The following GRM8 variants were observed in gnomAD, a reference collection of about 807,000 sequenced individuals.
GRM8 encodes the protein metabotropic glutamate receptor 8.
GRM8 carries 47 observed loss-of-function variants against 87.2 expected under a neutral mutation model. The ratio of observed to expected loss-of-function variants is 0.54; its 90% CI spans 0.43 to 0.69. The LOEUF is 0.69. Among genes scored for constraint, GRM8 ranks in the 30% least tolerant of loss-of-function variants. GRM8 has a pLI of 0.00. For synonymous variants in GRM8, 396 were observed against 404.5 expected (o/e 0.98, Z 0.25); for missense variants, 1,019 against 1,139.2 (o/e 0.89, Z 1.52).
At chr7:126,552,268 GT>G (rs1385051267) in intron 8 of GRM8, among the ~76,000 whole-genome samples, 3 of 151,882 alleles carry the variant, frequency 2.0e-5, no homozygotes, top group African/African-American at 7.3e-5. Context: ...TCCTCTATTA[GT>G]TTTAACTATT....
chr7:126,486,107 T>C (rs1217296366), intron 9 of GRM8, among the ~76,000 whole-genome samples: 1 of 152,002 alleles, frequency 6.6e-6, no homozygotes, highest in Non-Finnish European at 1.5e-5. Flanking sequence ...CACTGACCAG[T>C]TGAACCCCCC....
chr7:126,844,668 G>A (rs1796558752), intron 6 of GRM8, among the ~76,000 whole-genome samples: 1 of 152,116 alleles, frequency 6.6e-6, no homozygotes, highest in Non-Finnish European at 1.5e-5. Flanking sequence ...TCCAACATCA[G>A]GATGCCACCA....
intron 8 of GRM8, among the ~76,000 whole-genome samples, chr7:126,607,458 CA>C (rs11335465): frequency 0.31 from 47,339 of 150,758 alleles, 8,226 homozygotes; most frequent in South Asian, 0.44. Context: ...AAATACAAAA[CA>C]AAAAAAAATT....
chr7:126,903,773 G>GTGTGTGTA (rs1554526128), intron 5 of GRM8, among the ~76,000 whole-genome samples, 199 bp downstream of exon 5: 1 of 118,370 alleles, frequency 8.4e-6, no homozygotes, highest in Non-Finnish European at 1.7e-5. Flanking sequence ...ATATGTGTGT[G>GTGTGTGTA]TGTATATATA....
At chr7:127,183,838 GA>G (rs1490660248) in intron 2 of GRM8, among the ~76,000 whole-genome samples, 1 of 151,582 alleles carries the variant, frequency 6.6e-6, no homozygotes, top group Non-Finnish European at 1.5e-5. Flanking sequence ...AGAAATGAAA[GA>G]AAGATCATCA....
At chr7:127,251,552 T>C (rs1427827508) in intron 1 of GRM8, among the ~76,000 whole-genome samples, 3 of 152,166 alleles carry the variant, frequency 2.0e-5, no homozygotes, top group Non-Finnish European at 2.9e-5. Flanking sequence ...TCTCAGTTCC[T>C]TGGGCTGTTG....
In GRM8 at chr7:126,597,034, C is replaced by T. The variant is rs78180166; in HGVS notation, c.1494+12328G>A. ...TTGTATATTTCATCATTTAAATATA[C>T]AACAAAGCGAAATAATCTAAAAAGA... On this transcript the variant is annotated intron_variant, in intron 8 of 10. Transcript: ENST00000339582. 3.7e-3 allele frequency among the ~76,000 whole-genome samples: 565 copies of T among 152,112 alleles called. 3 individuals carry two copies. The highest frequency in any genetic ancestry group is 0.011 in the African/African-American group (460 of 41,520).
At chr7:126,786,805 T>C (rs930189872) in intron 6 of GRM8, among the ~76,000 whole-genome samples, 2 of 152,210 alleles carry the variant, frequency 1.3e-5, no homozygotes, top group Non-Finnish European at 2.9e-5. Flanking sequence ...TTACCATGTA[T>C]GAACTTTTTG....
chr7:127,216,912 C>T (rs1796593425), intron 2 of GRM8, among the ~76,000 whole-genome samples: 2 of 152,168 alleles, frequency 1.3e-5, no homozygotes, highest in Admixed American at 1.3e-4. Flanking sequence ...AGGGCCCTTC[C>T]CTAAAGACCC....
intron 6 of GRM8, among the ~76,000 whole-genome samples, chr7:126,828,256 T>C (rs578072081): frequency 1.3e-3 from 194 of 152,346 alleles, no homozygotes; most frequent in Middle Eastern, 6.8e-3. Context: ...TCCCTCTTTT[T>C]CTATTGATTA....
intron 9 of GRM8, among the ~76,000 whole-genome samples, chr7:126,496,873 C>T (rs1338312943): frequency 6.6e-6 from 1 of 151,824 alleles, no homozygotes; most frequent in Non-Finnish European, 1.5e-5. Flanking sequence ...AATCTCCCCC[C>T]CACAGGTGAA....
intron 3 of GRM8, among the ~76,000 whole-genome samples, chr7:127,087,597 G>A (rs532380272): frequency 1.3e-5 from 2 of 152,228 alleles, no homozygotes; most frequent in East Asian, 1.9e-4. Context: ...AGGAACTATG[G>A]GAAGAGAAAA....
At chr7:126,442,857 G>A (rs969338552) in intron 10 of GRM8, among the ~76,000 whole-genome samples, 11 of 152,000 alleles carry the variant, frequency 7.2e-5, no homozygotes, top group African/African-American at 2.7e-4. Context: ...GTTAGAAAAG[G>A]AAGTGTAAGG....
chr7:126,613,825 G>T (rs1480667236), intron 7 of GRM8, among the ~76,000 whole-genome samples: 1 of 152,208 alleles, frequency 6.6e-6, no homozygotes, highest in Non-Finnish European at 1.5e-5. Flanking sequence ...CAGCGAGGCT[G>T]GGGGAGGGGC....
At chr7:126,776,514 C>A (rs1027380140) in intron 6 of GRM8, among the ~76,000 whole-genome samples, 3 of 152,206 alleles carry the variant, frequency 2.0e-5, no homozygotes, top group African/African-American at 7.2e-5. Flanking sequence ...TTATTATATC[C>A]TCTAACAGAG....
intron 2 of GRM8, among the ~76,000 whole-genome samples, chr7:127,166,759 T>C (rs1793476580): frequency 1.3e-5 from 2 of 152,170 alleles, no homozygotes; most frequent in Non-Finnish European, 2.9e-5. Context: ...CTTTTTGCAC[T>C]CTCACATCCT....
chr7:126,935,678 C>A (rs1022921143), intron 3 of GRM8, among the ~76,000 whole-genome samples: 1 of 152,132 alleles, frequency 6.6e-6, no homozygotes, highest in Admixed American at 6.5e-5. Context: ...TGAATTTTGA[C>A]AATTGTGTGT....
At chr7:126,791,327 A>G (rs566587891) in intron 6 of GRM8, among the ~76,000 whole-genome samples, 1 of 152,348 alleles carries the variant, frequency 6.6e-6, no homozygotes, top group South Asian at 2.1e-4. Context: ...TTGCTTTCAC[A>G]ACACAGACCT....
intron 7 of GRM8, among the ~76,000 whole-genome samples, chr7:126,715,635 A>C (rs908803497): frequency 6.6e-6 from 1 of 152,206 alleles, no homozygotes; most frequent in Non-Finnish European, 1.5e-5. Flanking sequence ...CTCCAAAAAA[A>C]TTTCCAATAC....
Sources: allele counts gnomAD v4.1 joint callset (sites outside exome capture counted in the v4.1 genomes callset), GRCh38; gene constraint gnomAD v4.1.1; transcripts MANE v1.5; gene names NCBI Gene and HGNC (gene_info 2026-07-23, HGNC 2026-07-21).